Variants in GRM7 observed in about 807,000 individuals in gnomAD.
GRM7 encodes the protein glutamate metabotropic receptor 7, also known as metabotropic glutamate receptor 7.
In GRM7, 35 loss-of-function variants were observed where a neutral mutation model predicts 84.5. That is an observed-to-expected ratio of 0.41 (90% CI 0.32 to 0.55). The LOEUF (loss-of-function observed/expected upper bound fraction) is 0.55, where lower values mean the gene tolerates loss of function less well. Ranked by LOEUF, GRM7 falls within the 20% of genes least tolerant of loss-of-function variation. The pLI, the probability that GRM7 is intolerant of heterozygous loss-of-function variation, is 0.19. For missense variants in GRM7, 1,003 were observed against 1,194.6 expected (o/e 0.84, Z 2.36); for synonymous variants, 487 against 455.1 (o/e 1.07, Z -0.89).
At chr3:6,886,263 T>G (rs1294173345) in intron 1 of GRM7, among the ~76,000 whole-genome samples, 1 of 152,026 alleles carries the variant, frequency 6.6e-6, no homozygotes, top group Non-Finnish European at 1.5e-5. Flanking sequence ...CCGCATGTTG[T>G]CACCATAAGT....
intron 2 of GRM7, among the ~76,000 whole-genome samples, chr3:7,296,474 C>A (rs994793954): frequency 6.5e-5 from 9 of 139,240 alleles, no homozygotes; most frequent in Non-Finnish European, 9.6e-5. Flanking sequence ...TATTCATTCA[C>A]TGATAGAATT....
intron 4 of GRM7, among the ~76,000 whole-genome samples, chr3:7,392,218 A>G (rs531470900): frequency 3.9e-5 from 6 of 152,246 alleles, no homozygotes; most frequent in African/African-American, 1.4e-4. Context: ...ACACTGAGCA[A>G]TGACACTCAC....
At chr3:7,537,565 A>G (rs998002465) in intron 7 of GRM7, among the ~76,000 whole-genome samples, 1 of 152,208 alleles carries the variant, frequency 6.6e-6, no homozygotes, top group African/African-American at 2.4e-5. Flanking sequence ...CTCAATGTAA[A>G]GGTCCACAGG....
At chr3:7,329,305 T>G (rs1229946120) in intron 4 of GRM7, among the ~76,000 whole-genome samples, 5 of 152,162 alleles carry the variant, frequency 3.3e-5, no homozygotes, top group African/African-American at 1.2e-4. Flanking sequence ...ATCCATCATT[T>G]AACAAGCAGG....
intron 8 of GRM7, among the ~76,000 whole-genome samples, chr3:7,662,587 T>G (rs1699515329): frequency 6.6e-6 from 1 of 152,218 alleles, no homozygotes; most frequent in South Asian, 2.1e-4. Context: ...GTTAAATTTC[T>G]TAGGTGTGAC....
rs1696199257 is a variant in GRM7 at position 7,599,302 on chromosome 3, C to A, written c.2451+19945C>A. Among the ~76,000 whole-genome samples, 4 of 152,168 alleles carry A rather than the reference C, an allele frequency of 2.6e-5. No homozygotes were observed. The South Asian group carries it at 8.3e-4, about 32-fold the overall frequency. On this transcript the variant is annotated intron_variant, in intron 8 of 9. Coordinates refer to ENST00000357716, the MANE Select transcript of GRM7 (RefSeq NM_000844.4). ...ATTCAACACTGTGAATTTTAAATATCTTTTTGTTAGTCTGTTTCTTTTCTT... is the reference window on the plus strand; with the variant it reads ...ATTCAACACTGTGAATTTTAAATATATTTTTGTTAGTCTGTTTCTTTTCTT...
chr3:7,186,603 T>C (rs945340747), intron 2 of GRM7, among the ~76,000 whole-genome samples: 1 of 152,230 alleles, frequency 6.6e-6, no homozygotes, highest in Non-Finnish European at 1.5e-5. Flanking sequence ...TCCCTGTTTT[T>C]ATCAGACAAT....
rs146124881 is a variant in GRM7 at position 7,024,381 on chromosome 3, G to A, written c.520-122071G>A. ...CAACCACACCAAATGCAATTGCTGC[G>A]TTCAAGTGAAGCAAATGGATGACGT... On this transcript the variant is annotated intron_variant, in intron 1 of 9. Coordinates refer to ENST00000357716, the MANE Select transcript of GRM7 (RefSeq NM_000844.4). 9.8e-5 allele frequency among the ~76,000 whole-genome samples: 15 copies of A among 152,312 alleles called. No individual in the cohort carries two copies. The East Asian group carries it at 1.2e-3, about 12-fold the overall frequency.
chr3:7,347,777 G>A (rs891840588), intron 4 of GRM7, among the ~76,000 whole-genome samples: 1 of 152,030 alleles, frequency 6.6e-6, no homozygotes, highest in Non-Finnish European at 1.5e-5. Flanking sequence ...GGCATCCTAG[G>A]TTAGAAATAT....
chr3:6,916,791 T>C (rs1696955990), intron 1 of GRM7, among the ~76,000 whole-genome samples: 1 of 152,158 alleles, frequency 6.6e-6, no homozygotes, highest in African/African-American at 2.4e-5. Context: ...GGTAAAACTT[T>C]ATTAATTCAT....
chr3:7,521,506 A>G (rs944174543), intron 7 of GRM7, among the ~76,000 whole-genome samples: 2 of 152,160 alleles, frequency 1.3e-5, no homozygotes, highest in Non-Finnish European at 2.9e-5. Flanking sequence ...GCAACATCTA[A>G]GAACCAGAAA....
Position 7,452,833 on chromosome 3 carries a change from T to C in GRM7, c.1375+26T>C, listed in dbSNP as rs541082898. ...GTGAGTCTCCAAAAATCCATCCTTT[T>C]TGGAATCCTAAGTGTTGGCATTCTG... is the stretch of plus-strand genomic sequence containing the variant. On this transcript the variant is annotated intron_variant, in intron 6 of 9. Coordinates refer to ENST00000357716, the MANE Select transcript of GRM7 (RefSeq NM_000844.4). The C allele has an allele frequency of 4.8e-6, 7 of 1,443,502 alleles. No homozygotes were observed. The African/African-American group carries it at 5.6e-5, about 11-fold the overall frequency. The allele number at this position is 1,443,502 out of a possible 1,614,324, so 89.4% of individuals were successfully genotyped here.
At chr3:6,905,512 A>G (rs1179413257) in intron 1 of GRM7, among the ~76,000 whole-genome samples, 2 of 152,132 alleles carry the variant, frequency 1.3e-5, no homozygotes, top group Non-Finnish European at 2.9e-5. Context: ...TAAATGAATG[A>G]TCAAAACATC....
At chr3:7,533,038 C>T (rs916883895) in intron 7 of GRM7, among the ~76,000 whole-genome samples, 1 of 152,036 alleles carries the variant, frequency 6.6e-6, no homozygotes, top group Non-Finnish European at 1.5e-5. Flanking sequence ...TAGACTCCCA[C>T]ACAATAATGG....
intron 4 of GRM7, among the ~76,000 whole-genome samples, chr3:7,376,936 G>A (rs893344715): frequency 6.6e-6 from 1 of 152,144 alleles, no homozygotes; most frequent in African/African-American, 2.4e-5. Flanking sequence ...CTCCCCATTT[G>A]TGACAACCAA....
intron 1 of GRM7, among the ~76,000 whole-genome samples, chr3:7,108,116 G>A (rs1692716836): frequency 1.3e-5 from 2 of 152,082 alleles, no homozygotes; most frequent in Non-Finnish European, 2.9e-5. Context: ...TGAAAATGGT[G>A]TCTGTGCTAT....
intron 2 of GRM7, among the ~76,000 whole-genome samples, chr3:7,212,654 G>A (rs1696470763): frequency 6.6e-6 from 1 of 152,120 alleles, no homozygotes. Flanking sequence ...AACTTTATCT[G>A]GCTAAAGCTG....
chr3:7,538,741 T>G (rs1692703297), intron 7 of GRM7, among the ~76,000 whole-genome samples: 1 of 151,950 alleles, frequency 6.6e-6, no homozygotes, highest in African/African-American at 2.4e-5. Flanking sequence ...CTAAACACAG[T>G]TTAATCGGTT....
At chr3:7,629,669 C>T (rs890054493) in intron 8 of GRM7, among the ~76,000 whole-genome samples, 4 of 152,144 alleles carry the variant, frequency 2.6e-5, no homozygotes, top group African/African-American at 9.7e-5. Context: ...TTAAGAACTG[C>T]CTTACGCTAA....
Sources: gnomAD v4.1 joint callset for allele counts (sites outside exome capture counted in the v4.1 genomes callset) on GRCh38, gnomAD v4.1.1 for gene constraint, MANE v1.5 for transcripts, NCBI Gene and HGNC (gene_info 2026-07-23, HGNC 2026-07-21) for gene names.